Variants in DCC observed in about 807,000 individuals in gnomAD.
DCC encodes the protein netrin receptor DCC.
Under a neutral mutation model 172.5 loss-of-function variants are expected in DCC, and 58 were observed. That is an observed-to-expected ratio of 0.34 (90% CI 0.27 to 0.42). DCC has a LOEUF of 0.42. Ranked by LOEUF, DCC falls within the 10% of genes least tolerant of loss-of-function variation. The probability of loss-of-function intolerance (pLI) is 1.00; values close to 1 mark genes in which losing one functional copy is unlikely to be tolerated. For missense variants in DCC, 1,740 were observed against 1,791.0 expected (o/e 0.97, Z 0.51); for synonymous variants, 709 against 644.5 (o/e 1.10, Z -1.52).
rs369244325 is a variant in DCC at position 52,480,848 on chromosome 18, AT to A, written c.91+139978del. 3.3e-3 allele frequency among the ~76,000 whole-genome samples: 500 copies of A among 151,724 alleles called. 4 individuals carry two copies. Among genetic ancestry groups the A allele is most frequent in the African/African-American group, 0.012 (476 of 41,354 alleles). On this transcript the variant is annotated intron_variant, in intron 1 of 28. Coordinates refer to ENST00000442544, the MANE Select transcript of DCC (RefSeq NM_005215.4). ...ATTTGAGATTTGAATATACCCCCCA[AT>A]TTTTTTTCAACAATCTAATTCTAAA...
chr18:52,832,743 T>G (rs2038638837), intron 2 of DCC, among the ~76,000 whole-genome samples: 2 of 152,152 alleles, frequency 1.3e-5, no homozygotes, highest in African/African-American at 4.8e-5. Context: ...CATTGCCCTT[T>G]TATTGGCCAT....
intron 15 of DCC, among the ~76,000 whole-genome samples, chr18:53,378,871 G>A (rs1387443110): frequency 6.6e-6 from 1 of 150,814 alleles, no homozygotes; most frequent in Non-Finnish European, 1.5e-5. Flanking sequence ...TCTTTGGACA[G>A]TATTTCTAGA....
At chr18:53,279,532 G>A (rs949170806) in intron 12 of DCC, among the ~76,000 whole-genome samples, 15 of 150,126 alleles carry the variant, frequency 1.0e-4, no homozygotes, top group African/African-American at 3.7e-4. Flanking sequence ...AGCATTAGGA[G>A]ATATACCTAA....
At chr18:53,144,928 T>G (rs962596028) in intron 7 of DCC, among the ~76,000 whole-genome samples, 2 of 151,946 alleles carry the variant, frequency 1.3e-5, no homozygotes, top group African/African-American at 2.4e-5. Flanking sequence ...TCATCAAATT[T>G]TATTGCTTTT....
intron 19 of DCC, among the ~76,000 whole-genome samples, chr18:53,409,652 G>A (rs1909869979): frequency 6.6e-6 from 1 of 151,984 alleles, no homozygotes; most frequent in African/African-American, 2.4e-5. Context: ...GAATTTGTTC[G>A]GGTGCATATT....
Position 52,569,417 on chromosome 18 carries a change from G to A in DCC, c.92-182637G>A, listed in dbSNP as rs372952259. 2.6e-5 allele frequency among the ~76,000 whole-genome samples: 4 copies of A among 152,298 alleles called. No individual in the cohort carries two copies. The East Asian group carries it at 7.7e-4, about 29-fold the overall frequency. ...TGTCACATGACCGGGCACATCTAAA[G>A]TGCTCAATAAATCTTAGCTATCTTT... On this transcript the variant is annotated intron_variant, in intron 1 of 28. Transcript: ENST00000442544.
At chr18:53,465,019 AAG>A (rs1441946352) in intron 24 of DCC, among the ~76,000 whole-genome samples, 1 of 151,750 alleles carries the variant, frequency 6.6e-6, no homozygotes, top group African/African-American at 2.4e-5. Context: ...AAAAAAGAAA[AAG>A]AAAACTGGTT....
intron 5 of DCC, chr18:52,964,945 C>G (rs2040905705): frequency 6.6e-6 from 1 of 152,094 alleles, no homozygotes; most frequent in Non-Finnish European, 1.5e-5. Context: ...AAGCCAACAG[C>G]CTAGCATCAT....
chr18:52,950,617 A>G (rs914375986), intron 5 of DCC, among the ~76,000 whole-genome samples: 3 of 152,096 alleles, frequency 2.0e-5, no homozygotes, highest in South Asian at 4.1e-4. Context: ...TACCTTATGG[A>G]TATGGGCATA....
intron 1 of DCC, among the ~76,000 whole-genome samples, chr18:52,379,278 G>A (rs978710382): frequency 6.6e-6 from 1 of 151,600 alleles, no homozygotes; most frequent in Non-Finnish European, 1.5e-5. Context: ...TTGGATACAT[G>A]CCCATTGCTT....
chr18:52,671,266 A>G (rs1284854497), intron 1 of DCC, among the ~76,000 whole-genome samples: 1 of 152,068 alleles, frequency 6.6e-6, no homozygotes, highest in Non-Finnish European at 1.5e-5. Flanking sequence ...ACGGTCACCA[A>G]TTGAGAGAGA....
At chr18:53,196,021 A>G (rs1247737250) in intron 9 of DCC, among the ~76,000 whole-genome samples, 3 of 152,208 alleles carry the variant, frequency 2.0e-5, no homozygotes, top group Non-Finnish European at 4.4e-5. Context: ...ATCACGTGGT[A>G]CTTTTATCTA....
At chr18:52,911,896 GA>G (rs934948361) in intron 3 of DCC, among the ~76,000 whole-genome samples, 1 of 151,746 alleles carries the variant, frequency 6.6e-6, no homozygotes, top group African/African-American at 2.4e-5. Flanking sequence ...ATATATACTG[GA>G]AAAAAATGAA....
chr18:52,683,067 TG>T (rs1360430412), intron 1 of DCC, among the ~76,000 whole-genome samples: 3 of 152,082 alleles, frequency 2.0e-5, no homozygotes, highest in Non-Finnish European at 4.4e-5. Flanking sequence ...TCAGTGTGAA[TG>T]GATTTCATCA....
chr18:53,496,958 TCATAAA>T (rs1178357143), intron 26 of DCC, among the ~76,000 whole-genome samples: 1 of 152,190 alleles, frequency 6.6e-6, no homozygotes. Context: ...AAATAAAACA[TCATAAA>T]CATATTGTCC....
At chr18:52,495,620 G>A (rs2030712545) in intron 1 of DCC, among the ~76,000 whole-genome samples, 1 of 152,018 alleles carries the variant, frequency 6.6e-6, no homozygotes. Context: ...ACTCCATCTT[G>A]CCCGAAACAG....
intron 1 of DCC, among the ~76,000 whole-genome samples, chr18:52,388,963 A>G (rs1985925103): frequency 6.6e-6 from 1 of 152,176 alleles, no homozygotes; most frequent in Admixed American, 6.5e-5. Context: ...GAGATCGTTC[A>G]GGACCGAGGA....
intron 5 of DCC, among the ~76,000 whole-genome samples, chr18:52,943,738 G>GTTT (rs57468587): frequency 1.5e-4 from 12 of 81,446 alleles, no homozygotes; most frequent in African/African-American, 4.2e-4. Flanking sequence ...GCAATTTATG[G>GTTT]TTTTTTTTTT....
intron 2 of DCC, among the ~76,000 whole-genome samples, chr18:52,768,680 T>C (rs369741923): frequency 7.2e-5 from 11 of 152,134 alleles, no homozygotes; most frequent in African/African-American, 1.9e-4. Context: ...TGTTTTTAAG[T>C]CTTCTTTGCA....
Sources: gnomAD v4.1 joint callset for allele counts (sites outside exome capture counted in the v4.1 genomes callset) on GRCh38, gnomAD v4.1.1 for gene constraint, MANE v1.5 for transcripts, NCBI Gene and HGNC (gene_info 2026-07-23, HGNC 2026-07-21) for gene names.